The following PHACTR3 variants were observed in gnomAD, a reference collection of about 807,000 sequenced individuals.
The protein encoded by PHACTR3 is protein phosphatase 1, regulatory subunit 123.
A neutral mutation model predicts 66.8 loss-of-function variants in PHACTR3; 16 were observed. That is an observed-to-expected ratio of 0.24 (90% CI 0.16 to 0.36). The LOEUF is 0.36. Ranked by LOEUF, PHACTR3 falls within the 10% of genes least tolerant of loss-of-function variation. The probability of loss-of-function intolerance (pLI) is 1.00; values close to 1 mark genes in which losing one functional copy is unlikely to be tolerated. For synonymous variants in PHACTR3, 323 were observed against 292.1 expected (o/e 1.11, Z -1.08); for missense variants, 647 against 719.9 (o/e 0.90, Z 1.16).
At chr20:59,592,964 T>C (rs1444841770) in intron 1 of PHACTR3, among the ~76,000 whole-genome samples, 4 of 152,226 alleles carry the variant, frequency 2.6e-5, no homozygotes, top group African/African-American at 9.6e-5. Context: ...AGAATCCATG[T>C]ACAGGTTTTT....
intron 1 of PHACTR3, chr20:59,676,804 CAGGGA>C: frequency 1.1e-6 from 1 of 895,450 alleles, no homozygotes; most frequent in Non-Finnish European, 1.3e-6. Flanking sequence ...AGGCAGAGGG[CAGGGA>C]CTCTGCTTAG....
intron 1 of PHACTR3, among the ~76,000 whole-genome samples, chr20:59,714,071 G>A (rs1272043957): frequency 6.6e-6 from 1 of 151,976 alleles, no homozygotes; most frequent in Non-Finnish European, 1.5e-5. Context: ...AGTACCTGTT[G>A]AGTTTTTTGA....
At chr20:59,582,536 T>C (rs747712304) in intron 1 of PHACTR3, among the ~76,000 whole-genome samples, 1 of 152,240 alleles carries the variant, frequency 6.6e-6, no homozygotes, top group Non-Finnish European at 1.5e-5. Flanking sequence ...CCAAAGTGGC[T>C]GTGTCACTCC....
In PHACTR3 at chr20:59,605,151, G is replaced by A. The variant is rs1205232124; in HGVS notation, c.118+19G>A. 3 of 1,296,810 alleles carry A rather than the reference G, an allele frequency of 2.3e-6. No individual in the cohort carries two copies. Among genetic ancestry groups the A allele is most frequent in the African/African-American group, 1.6e-5 (1 of 64,434 alleles). 80.3% of individuals were successfully genotyped at this position (1,296,810 alleles called of 1,614,324 possible). ...AACCCAGGTAACGGGCTGGGCGGGG[G>A]CGGCGGGCGGGTCGGGGAGGCCCGA... On this transcript the variant is annotated intron_variant, in intron 1 of 12. Transcript: ENST00000371015.
At chr20:59,846,837 C>A (rs1033048110) in intron 12 of PHACTR3, among the ~76,000 whole-genome samples, 2 of 152,072 alleles carry the variant, frequency 1.3e-5, no homozygotes, top group Admixed American at 1.3e-4. Context: ...TTTAGCAAAG[C>A]CCTGGCCTTT....
intron 8 of PHACTR3, among the ~76,000 whole-genome samples, chr20:59,823,906 C>T (rs1266374524): frequency 6.6e-6 from 1 of 152,220 alleles, no homozygotes; most frequent in Non-Finnish European, 1.5e-5. Context: ...ACACCTGGTA[C>T]AAATAGGTTT....
chr20:59,760,468 C>T (rs1438513590), intron 4 of PHACTR3, among the ~76,000 whole-genome samples: 8 of 152,078 alleles, frequency 5.3e-5, no homozygotes, highest in African/African-American at 1.9e-4. Flanking sequence ...GTGGTTTCCC[C>T]AGTACTGTTC....
At position 59,736,845 on chromosome 20, in the gene PHACTR3, C is replaced by G. The variant is rs2038962769; in HGVS notation, c.119-6262C>G. Reference sequence around the variant, plus strand: ...GCACAGTCCTGGGCTTGAGCCACCCCAGGGAAGGCAGAGGGGAGAGGGAAT... The same window carrying G: ...GCACAGTCCTGGGCTTGAGCCACCCGAGGGAAGGCAGAGGGGAGAGGGAAT... On this transcript the variant is annotated intron_variant, in intron 1 of 12. Coordinates refer to ENST00000371015, the MANE Select transcript of PHACTR3 (RefSeq NM_080672.5). The surrounding 1 kb of genome is among the most constrained non-coding windows in gnomAD (Gnocchi z 4.6). Among the ~76,000 whole-genome samples, 1 of 152,144 alleles carries G rather than the reference C, an allele frequency of 6.6e-6. No homozygotes were observed. Among genetic ancestry groups the G allele is most frequent in the Non-Finnish European group, 1.5e-5 (1 of 68,008 alleles).
intron 1 of PHACTR3, among the ~76,000 whole-genome samples, chr20:59,591,617 G>A (rs574720317): frequency 2.2e-4 from 33 of 152,188 alleles, no homozygotes; most frequent in African/African-American, 7.5e-4. Context: ...TTCCCACAGT[G>A]CAGTGCCACT....
At chr20:59,586,386 C>T (rs2146305788) in intron 1 of PHACTR3, among the ~76,000 whole-genome samples, 1 of 152,350 alleles carries the variant, frequency 6.6e-6, no homozygotes, top group Middle Eastern at 3.4e-3. Context: ...CTTAACGACC[C>T]TAATTCACTC....
intron 7 of PHACTR3, among the ~76,000 whole-genome samples, chr20:59,793,862 C>T (rs909759514): frequency 6.6e-6 from 1 of 152,002 alleles, no homozygotes; most frequent in Non-Finnish European, 1.5e-5. Context: ...TGGCTCATGC[C>T]TGTAATCCCA....
Position 59,660,548 on chromosome 20 carries a change from T to C in PHACTR3, c.118+55416T>C, listed in dbSNP as rs781136958. Among the ~76,000 whole-genome samples, 32 of 152,344 alleles carry C rather than the reference T, an allele frequency of 2.1e-4. 1 individual carries two copies. The highest frequency in any genetic ancestry group is 3.7e-4 in the Non-Finnish European group (25 of 68,006). On this transcript the variant is annotated intron_variant, in intron 1 of 12. Coordinates refer to ENST00000371015, the MANE Select transcript of PHACTR3 (RefSeq NM_080672.5). Reference sequence around the variant, plus strand: ...CTGTGGCTTGGGCTTCTTCACATTCTAATCTGTCATCTGGCCACCAGAATT... The same window carrying C: ...CTGTGGCTTGGGCTTCTTCACATTCCAATCTGTCATCTGGCCACCAGAATT...
chr20:59,707,294 G>A (rs559661369), intron 1 of PHACTR3, among the ~76,000 whole-genome samples: 1 of 152,244 alleles, frequency 6.6e-6, no homozygotes, highest in Admixed American at 6.5e-5. Context: ...TTAGTGATAC[G>A]GTTTGGAAGT....
rs376575456 is a variant in PHACTR3, at chr20:59,767,263, G to A, written c.619G>A (p.Ala207Thr). ...GCCCACCACCAATGAGCTCTCCCAA[G>A]CCTTAGCTGGGGCTGACTCCCTGGA... ...LLPTTNELSQALAGADSLDSP... is the reference protein window; with the variant it reads ...LLPTTNELSQTLAGADSLDSP... Residue 207 changes from alanine (A) to threonine (T), a missense_variant, in exon 5 of 13, where the codon GCC becomes ACC. Ala to Thr is a moderately conservative substitution (Grantham distance 58). Coordinates refer to ENST00000371015, the MANE Select transcript of PHACTR3 (RefSeq NM_080672.5). 9 of 1,614,096 alleles carry A rather than the reference G, an allele frequency of 5.6e-6. No individual in the cohort carries two copies. In the African/African-American group the frequency reaches 1.2e-4, roughly 22 times the overall value.
At chr20:59,703,704 A>T (rs949233238) in intron 1 of PHACTR3, among the ~76,000 whole-genome samples, 8 of 151,080 alleles carry the variant, frequency 5.3e-5, no homozygotes, top group African/African-American at 1.9e-4. Context: ...TGTGTGTGTG[A>T]GTGTGTGTGT....
intron 7 of PHACTR3, among the ~76,000 whole-genome samples, chr20:59,783,847 G>A (rs1365969287): frequency 6.6e-6 from 1 of 152,254 alleles, no homozygotes; most frequent in Non-Finnish European, 1.5e-5. Context: ...CAGGCAAAGA[G>A]TACTCTGTGA....
rs539182955 is a variant in PHACTR3 at position 59,578,376 on chromosome 20, G to C, written c.109+759G>C. On this transcript the variant is annotated intron_variant, in intron 1 of 12. Transcript: ENST00000359926. ...AGTGGGGTGGAGGAGAGCTAGGCCA[G>C]TGTTTCCGCACTGGCCCTTGGTGAG... 3.4e-4 allele frequency among the ~76,000 whole-genome samples: 52 copies of C among 152,334 alleles called. 1 individual carries two copies. The highest frequency in any genetic ancestry group is 1.2e-3 in the African/African-American group (49 of 41,578).
chr20:59,725,408 A>C (rs1019152104), intron 1 of PHACTR3, among the ~76,000 whole-genome samples: 34 of 149,790 alleles, frequency 2.3e-4, no homozygotes, highest in Non-Finnish European at 4.1e-4. Context: ...GATCGGTATG[A>C]GCTTAGGTGG....
At chr20:59,776,758 A>G (rs1034544076) in intron 7 of PHACTR3, among the ~76,000 whole-genome samples, 9 of 152,140 alleles carry the variant, frequency 5.9e-5, no homozygotes, top group Admixed American at 5.9e-4. Context: ...AGCGTGGTTG[A>G]GCCAGCAGCG....
Sources: gnomAD v4.1 joint callset for allele counts (sites outside exome capture counted in the v4.1 genomes callset) on GRCh38, gnomAD v4.1.1 for gene constraint, Gnocchi (gnomAD v3.1) non-coding constraint, MANE v1.5 for transcripts, NCBI Gene and HGNC (gene_info 2026-07-23, HGNC 2026-07-21) for gene names.